SLC4A10: variants seen among roughly 807,000 people sequenced by gnomAD.
SLC4A10 encodes solute carrier family 4 member 10.
SLC4A10 carries 42 observed loss-of-function variants against 137.7 expected under a neutral mutation model. The observed-to-expected ratio is 0.30, with a 90% CI of 0.24 to 0.39. The LOEUF is 0.39. Among genes scored for constraint, SLC4A10 ranks in the 10% least tolerant of loss-of-function variants. The probability of loss-of-function intolerance (pLI) is 1.00; values close to 1 mark genes in which losing one functional copy is unlikely to be tolerated. For missense variants in SLC4A10, 925 were observed against 1,355.0 expected (o/e 0.68, Z 4.98); for synonymous variants, 474 against 464.1 (o/e 1.02, Z -0.27).
intron 15 of SLC4A10, among the ~76,000 whole-genome samples, chr2:161,924,649 G>T (rs528667312): frequency 1.3e-5 from 2 of 152,158 alleles, no homozygotes; most frequent in African/African-American, 2.4e-5. Context: ...GCTTTGACAG[G>T]GAGGCACGTA....
intron 15 of SLC4A10, among the ~76,000 whole-genome samples, chr2:161,907,882 A>G (rs1377836877): frequency 2.6e-5 from 4 of 152,332 alleles, no homozygotes; most frequent in Middle Eastern, 3.4e-3. Context: ...ACTCTCCAAA[A>G]GAAACTATGT....
intron 1 of SLC4A10, among the ~76,000 whole-genome samples, chr2:161,667,670 A>ATT (rs1354330593): frequency 3.3e-5 from 5 of 151,704 alleles, no homozygotes; most frequent in African/African-American, 4.8e-5. Context: ...ATATTTATAT[A>ATT]TTGAATATAT....
intron 1 of SLC4A10, among the ~76,000 whole-genome samples, chr2:161,717,978 G>A (rs1462433674): frequency 6.6e-6 from 1 of 152,016 alleles, no homozygotes; most frequent in African/African-American, 2.4e-5. Context: ...ACTTGTTATT[G>A]GTTATTGGTT....
chr2:161,772,320 A>G (rs1300240803), intron 2 of SLC4A10, among the ~76,000 whole-genome samples: 1 of 151,932 alleles, frequency 6.6e-6, no homozygotes, highest in Non-Finnish European at 1.5e-5. Flanking sequence ...TGCTATGACA[A>G]GCTATCCTTA....
intron 15 of SLC4A10, 62 bp from the exon 16 acceptor site, chr2:161,942,730 A>C: frequency 8.1e-7 from 1 of 1,240,006 alleles, no homozygotes; most frequent in Non-Finnish European, 1.2e-6. Flanking sequence ...GTTATACATT[A>C]GTCTTCGGTA....
chr2:161,883,419 T>C (rs2061970888), intron 10 of SLC4A10, among the ~76,000 whole-genome samples: 2 of 152,196 alleles, frequency 1.3e-5, no homozygotes, highest in Non-Finnish European at 2.9e-5. Context: ...GTCCAAATTA[T>C]GTTTTATAGT....
At chr2:161,871,714 A>G (rs1202646109) in intron 6 of SLC4A10, among the ~76,000 whole-genome samples, 1 of 152,154 alleles carries the variant, frequency 6.6e-6, no homozygotes, top group African/African-American at 2.4e-5. Context: ...GAGGCATAAA[A>G]TCATATCCAT....
chr2:161,819,501 C>CTTTTTTTT lies in SLC4A10; in HGVS notation c.277+14910_277+14917dup, dbSNP rs112848503. The stretch of plus-strand genomic sequence containing the variant: ...CAGTAACAAAGCTGCTAAAATTTCA[C>CTTTTTTTT]TTTTTTTTTTTGAGACAGAGTCTCA... On this transcript the variant is annotated intron_variant, in intron 3 of 26. Transcript: ENST00000446997. Among the ~76,000 whole-genome samples the CTTTTTTTT allele has an allele frequency of 2.7e-4, 39 of 144,532 alleles. 1 individual carries two copies. Among genetic ancestry groups the CTTTTTTTT allele is most frequent in the South Asian group, 1.1e-3 (5 of 4,656 alleles). The allele number at this position is 144,532 out of a possible 152,430, so 94.8% of individuals were successfully genotyped here.
intron 1 of SLC4A10, among the ~76,000 whole-genome samples, chr2:161,671,782 ATTATAG>A (rs1286000166): frequency 3.3e-5 from 5 of 152,356 alleles, no homozygotes; most frequent in African/African-American, 9.6e-5. Flanking sequence ...TAGCTTTTAA[ATTATAG>A]TTATAGTGCT....
chr2:161,855,849 C>G (rs1486682735), intron 5 of SLC4A10, among the ~76,000 whole-genome samples: 2 of 151,608 alleles, frequency 1.3e-5, no homozygotes. Context: ...AAAACACAAA[C>G]AAAGAAAAGA....
At chr2:161,663,559 T>A (rs1463459463) in intron 1 of SLC4A10, among the ~76,000 whole-genome samples, 1 of 152,054 alleles carries the variant, frequency 6.6e-6, no homozygotes, top group Admixed American at 6.6e-5. Flanking sequence ...AATCTAAACA[T>A]GTTACTTATT....
At position 161,976,824 on chromosome 2, in the gene SLC4A10, C is replaced by G. The variant is rs1236558772; in HGVS notation, c.3292C>G (p.Leu1098Val). 6.2e-7 allele frequency: 1 copy of G among 1,605,466 alleles called. No homozygotes were observed. The highest frequency in any genetic ancestry group is 1.3e-5 in the African/African-American group (1 of 74,934). Residue 1098 changes from leucine to valine, a missense_variant, in exon 25 of 27, where the codon CTG (leucine) becomes GTG (valine). Transcript: ENST00000446997. ...AAAGACTGCCTTGTGGAGGAACCTT[C>G]TGATTACTGCCGATAACTCAAAAGA... ...MSKTALWRNL[L>V]ITADNSKDKE... is the part of the protein sequence containing the mutation.
In SLC4A10 at chr2:161,839,898, T is replaced by A. The variant is rs1241327140; in HGVS notation, c.387T>A (p.Gly129=). The change falls in exon 4 of 27, where the codon GGT becomes GGA. Residue 129 remains glycine (G), a synonymous_variant. Transcript: ENST00000446997. ...TGGATGAGATTTGTTGGCGTGAAGG[T>A]GAGGACGCTGAGTGGCGAGAAACAG... ...TELDEICWRE[G]EDAEWRETAR... 3 of 1,613,806 alleles carry A rather than the reference T, an allele frequency of 1.9e-6. No individual in the cohort carries two copies. The highest frequency in any genetic ancestry group is 1.7e-5 in the Admixed American group (1 of 59,996).
chr2:161,734,306 G>A (rs1574645799), intron 1 of SLC4A10, among the ~76,000 whole-genome samples: 3 of 152,140 alleles, frequency 2.0e-5, no homozygotes, highest in South Asian at 2.1e-4. Context: ...GAGATCATTT[G>A]AATCATGGGG....
At chr2:161,748,465 T>TGA (rs962401323) in intron 1 of SLC4A10, among the ~76,000 whole-genome samples, 2 of 151,924 alleles carry the variant, frequency 1.3e-5, no homozygotes, top group African/African-American at 4.8e-5. Flanking sequence ...TGTGTGTGTG[T>TGA]GTGTGTGGTG....
chr2:161,689,347 T>G (rs564793507), intron 1 of SLC4A10, among the ~76,000 whole-genome samples: 10 of 152,190 alleles, frequency 6.6e-5, no homozygotes, highest in Non-Finnish European at 1.3e-4. Flanking sequence ...GTGCTCTATA[T>G]GGGTGTACCA....
chr2:161,624,574 ACAACCTGCTAT>A lies in SLC4A10; in HGVS notation c.48+11_48+21del. 6.4e-7 allele frequency: 1 copy of A among 1,552,480 alleles called. No individual in the cohort carries two copies. On this transcript the variant is annotated intron_variant, in intron 1 of 26. Coordinates refer to ENST00000446997, the MANE Select transcript of SLC4A10 (RefSeq NM_001178015.2). ...GAGCCGCTGCTGCCTACGGTAAGAGACAACCTGCTATCACATAGATTAACCGCGTTTGCTGC... is the reference window on the plus strand; with the variant it reads ...GAGCCGCTGCTGCCTACGGTAAGAGACACATAGATTAACCGCGTTTGCTGC...
chr2:161,837,920 C>A (rs1419091776), intron 3 of SLC4A10, among the ~76,000 whole-genome samples: 1 of 152,118 alleles, frequency 6.6e-6, no homozygotes, highest in African/African-American at 2.4e-5. Flanking sequence ...CCTTTTCCAC[C>A]ATGTGATATT....
Position 161,724,951 on chromosome 2 carries a change from CT to C in SLC4A10, c.49-46021del, listed in dbSNP as rs143607004. On this transcript the variant is annotated intron_variant, in intron 1 of 26. Transcript: ENST00000446997. Reference sequence around the variant, plus strand: ...GATTTTATTCTTTCTTAACTGTGAACTGTTTAAGGGCAAAGGCATTAAATAC... The same window carrying C: ...GATTTTATTCTTTCTTAACTGTGAACGTTTAAGGGCAAAGGCATTAAATAC... 6.1e-3 allele frequency among the ~76,000 whole-genome samples: 934 copies of C among 152,160 alleles called. 12 individuals carry two copies. Among genetic ancestry groups the C allele is most frequent in the African/African-American group, 0.021 (885 of 41,538 alleles).
Sources: allele counts gnomAD v4.1 joint callset (sites outside exome capture counted in the v4.1 genomes callset), GRCh38; gene constraint gnomAD v4.1.1; transcripts MANE v1.5; gene names NCBI Gene and HGNC (gene_info 2026-07-23, HGNC 2026-07-21).